The following SMU1 variants were observed in gnomAD, a reference collection of about 807,000 sequenced individuals.
The protein encoded by SMU1 is WD40 repeat-containing protein SMU1.
Under a neutral mutation model 62.0 loss-of-function variants are expected in SMU1, and 2 were observed. The observed-to-expected ratio is 0.03, with a 90% CI of 0.01 to 0.10. SMU1 has a LOEUF of 0.10. Among genes scored for constraint, SMU1 ranks in the 10% least tolerant of loss-of-function variants. SMU1 has a pLI of 1.00. For synonymous variants in SMU1, 188 were observed against 212.4 expected, an observed-to-expected ratio of 0.89 and a Z score of 1.00; for missense variants, 227 against 622.1, an observed-to-expected ratio of 0.36 and a Z score of 6.76.
In SMU1 at chr9:33,043,258, C is replaced by T. The variant is rs984764086; in HGVS notation, c.*4035G>A. The T allele has an allele frequency of 6.6e-6, 1 of 152,238 alleles. No homozygotes were observed. Among genetic ancestry groups the T allele is most frequent in the Non-Finnish European group, 1.5e-5 (1 of 68,046 alleles). The allele number at this position is 152,238 out of a possible 1,614,324, so 9.4% of individuals were successfully genotyped here. On this transcript the variant is annotated 3_prime_UTR_variant, in exon 12 of 12. Coordinates refer to ENST00000397149, the MANE Select transcript of SMU1 (RefSeq NM_018225.3). ...AAAGCACAGTGAATGAGAACACTAGCAAGCTATGGCAATTTGAAAAAATGT... is the reference window on the plus strand; with the variant it reads ...AAAGCACAGTGAATGAGAACACTAGTAAGCTATGGCAATTTGAAAAAATGT...
chr9:33,049,806 C>T (rs1167262273), intron 10 of SMU1, among the ~76,000 whole-genome samples: 1 of 133,884 alleles, frequency 7.5e-6, no homozygotes, highest in East Asian at 2.0e-4. Flanking sequence ...GGCATGGTGG[C>T]ACGTGCCTGT....
In SMU1 at chr9:33,046,301, G is replaced by A. The variant is rs568817932; in HGVS notation, c.*992C>T. The A allele has an allele frequency of 6.6e-6, 1 of 152,292 alleles. No homozygotes were observed. The highest frequency in any genetic ancestry group is 2.1e-4 in the South Asian group (1 of 4,830). 9.4% of individuals were successfully genotyped at this position (152,292 alleles called of 1,614,324 possible). On this transcript the variant is annotated 3_prime_UTR_variant, in exon 12 of 12. Transcript: ENST00000397149. The stretch of plus-strand genomic sequence containing the variant: ...ATCCTGCAACTAGTTCTATCCAGAA[G>A]ATGGAGACAATATTCCCTGGAGTTG...
At chr9:33,069,896 C>T (rs950283213) in intron 3 of SMU1, among the ~76,000 whole-genome samples, 2 of 152,148 alleles carry the variant, frequency 1.3e-5, no homozygotes, top group Non-Finnish European at 2.9e-5. Flanking sequence ...GAGGCCGAGG[C>T]GGGTGGACTG....
In SMU1 at chr9:33,062,051, T is replaced by C; in HGVS notation, c.628A>G (p.Lys210Glu). 1 of 1,613,422 alleles carries C rather than the reference T, an allele frequency of 6.2e-7. No individual in the cohort carries two copies. The highest frequency in any genetic ancestry group is 8.5e-7 in the Non-Finnish European group (1 of 1,179,706). The change falls in exon 5 of 12, where the codon AAG becomes GAG. Residue 210 changes from lysine (K) to glutamate (E), a missense_variant and splice_region_variant. By Grantham distance (56) the Lys-to-Glu change is moderately conservative (BLOSUM62 1). This residue lies in a region of SMU1 where 99 missense variants were observed against 270.3 expected (regional missense o/e 0.37). Transcript: ENST00000397149. ...GGCTGAATGTCTTAGGATCCTACCT[T>C]AATATGCCTGCTCAGTTGTGTAGGA... ...KFPTQLSRHI[K>E]FGQKSHVECA...
chr9:33,074,639 G>T (rs1475962606), intron 1 of SMU1, among the ~76,000 whole-genome samples: 1 of 152,014 alleles, frequency 6.6e-6, no homozygotes, highest in East Asian at 1.9e-4. Flanking sequence ...AACCTATGAG[G>T]TAAGTTTACT....
chr9:33,051,049 A>G (rs1166465159), intron 10 of SMU1, among the ~76,000 whole-genome samples: 5 of 94,858 alleles, frequency 5.3e-5, no homozygotes, highest in East Asian at 2.6e-4. Flanking sequence ...TGAACCCAGG[A>G]GGCGGAGCTT....
rs1487428530 is a variant in SMU1, at chr9:33,044,191, A to T, written c.*3102T>A. On this transcript the variant is annotated 3_prime_UTR_variant, in exon 12 of 12. Transcript: ENST00000397149. Reference sequence around the variant, plus strand: ...TTAAATCTGGTGGCTGCAGCAGAGCACTTCCCTAGGAACCGACTGCACACG... The same window carrying T: ...TTAAATCTGGTGGCTGCAGCAGAGCTCTTCCCTAGGAACCGACTGCACACG... 1 of 152,294 alleles carries T rather than the reference A, an allele frequency of 6.6e-6. No homozygotes were observed. The highest frequency in any genetic ancestry group is 1.5e-5 in the Non-Finnish European group (1 of 68,042). The allele number at this position is 152,294 out of a possible 1,614,324, so 9.4% of individuals were successfully genotyped here.
chr9:33,069,398 T>C (rs886912282), intron 3 of SMU1, among the ~76,000 whole-genome samples: 1 of 152,244 alleles, frequency 6.6e-6, no homozygotes, highest in South Asian at 2.1e-4. Flanking sequence ...CTTTCCTTTA[T>C]CCTCATAGAT....
At chr9:33,060,400 T>C (rs1839349756) in intron 6 of SMU1, 65 bp downstream of exon 6, 10 of 1,366,110 alleles carry the variant, frequency 7.3e-6, no homozygotes, top group East Asian at 2.3e-5. Flanking sequence ...TTAGAGGCCA[T>C]AGGTAAGTAA....
chr9:33,071,655 T>C lies in SMU1; in HGVS notation c.390+85A>G, dbSNP rs532574249. 1,203 of 1,324,220 alleles carry C rather than the reference T, an allele frequency of 9.1e-4. 9 individuals carry two copies. In the African/African-American group the frequency reaches 0.018, roughly 19 times the overall value. 82.0% of individuals were successfully genotyped at this position (1,324,220 alleles called of 1,614,324 possible). Reference sequence around the variant, plus strand: ...AATCAAAATCACAAAGAGTATACAATAAAATGGTAAAAAAAAAAAAAAAAG... The same window carrying C: ...AATCAAAATCACAAAGAGTATACAACAAAATGGTAAAAAAAAAAAAAAAAG... On this transcript the variant is annotated intron_variant, in intron 3 of 11. Transcript: ENST00000397149.
At chr9:33,067,985 C>T (rs1336457460) in intron 4 of SMU1, among the ~76,000 whole-genome samples, 1 of 152,166 alleles carries the variant, frequency 6.6e-6, no homozygotes, top group Non-Finnish European at 1.5e-5. Context: ...ATGCTGGCAA[C>T]ACTATTAGTA....
rs369449021 is a variant in SMU1, at chr9:33,076,625, G to C, written c.-17C>G. ...GATCGACATAGCCGTATCTCTCCGGGAGCAGGCCCCAGCTCTCCCTCAAGG... is the reference window on the plus strand; with the variant it reads ...GATCGACATAGCCGTATCTCTCCGGCAGCAGGCCCCAGCTCTCCCTCAAGG... On this transcript the variant is annotated 5_prime_UTR_variant, in exon 1 of 12. Coordinates refer to ENST00000397149, the MANE Select transcript of SMU1 (RefSeq NM_018225.3). 9.3e-6 allele frequency: 15 copies of C among 1,613,828 alleles called. No homozygotes were observed. The highest frequency in any genetic ancestry group is 1.2e-5 in the Non-Finnish European group (14 of 1,180,022).
chr9:33,062,446 C>T (rs1210563137), intron 4 of SMU1, among the ~76,000 whole-genome samples: 1 of 152,060 alleles, frequency 6.6e-6, no homozygotes, highest in African/African-American at 2.4e-5. Context: ...TTGTTATAAA[C>T]AAAACTTGGA....
chr9:33,067,299 A>C (rs1158044540), intron 4 of SMU1, among the ~76,000 whole-genome samples: 37 of 74,074 alleles, frequency 5.0e-4, no homozygotes, highest in African/African-American at 1.5e-3. Flanking sequence ...CTAATGACCA[A>C]AAAAAAAAAA....
Position 33,076,645 on chromosome 9 carries a change from T to A in SMU1, c.-37A>T, listed in dbSNP as rs1289717021. ...TCCGGGAGCAGGCCCCAGCTCTCCC[T>A]CAAGGCCAGTCGCGCAACACACCAA... On this transcript the variant is annotated 5_prime_UTR_variant, in exon 1 of 12. Transcript: ENST00000397149. The A allele has an allele frequency of 6.2e-7, 1 of 1,613,544 alleles. No homozygotes were observed. The highest frequency in any genetic ancestry group is 2.2e-5 in the East Asian group (1 of 44,874).
chr9:33,075,192 C>G (rs1318726385), intron 1 of SMU1, among the ~76,000 whole-genome samples: 2 of 152,110 alleles, frequency 1.3e-5, no homozygotes, highest in Non-Finnish European at 2.9e-5. Context: ...CTGGCTAACA[C>G]GGTGAAACCC....
intron 9 of SMU1, among the ~76,000 whole-genome samples, chr9:33,055,863 T>C (rs1839298138): frequency 6.6e-6 from 1 of 152,228 alleles, no homozygotes; most frequent in Non-Finnish European, 1.5e-5. Context: ...TTTAGGACTC[T>C]TCACCCTTCC....
chr9:33,073,988 C>T (rs913896740), intron 1 of SMU1, among the ~76,000 whole-genome samples, 182 bp from the exon 2 acceptor site: 3 of 152,178 alleles, frequency 2.0e-5, no homozygotes, highest in Non-Finnish European at 2.9e-5. Context: ...AGAGACAGAA[C>T]TGGGGTTCAA....
intron 3 of SMU1, among the ~76,000 whole-genome samples, chr9:33,069,764 T>C (rs1284139160): frequency 1.3e-5 from 2 of 152,202 alleles, no homozygotes; most frequent in East Asian, 3.9e-4. Flanking sequence ...ATCGTGCCAT[T>C]GCACTCCAGC....
Sources: allele counts gnomAD v4.1 joint callset (sites outside exome capture counted in the v4.1 genomes callset), GRCh38; gene constraint gnomAD v4.1.1; regional missense constraint gnomAD v4.1.1; transcripts MANE v1.5; gene names NCBI Gene and HGNC (gene_info 2026-07-23, HGNC 2026-07-21).